CENPU: variants seen among roughly 807,000 people sequenced by gnomAD.
The protein encoded by CENPU is centromere protein U, also known as KSHV latent nuclear antigen interacting protein 1.
CENPU carries 46 observed loss-of-function variants against 56.7 expected under a neutral mutation model. The ratio of observed to expected loss-of-function variants is 0.81; its 90% CI spans 0.64 to 1.04. CENPU has a LOEUF of 1.04. Among genes scored for constraint, CENPU ranks in the 50% least tolerant of loss-of-function variants. The pLI is 0.00. For missense variants in CENPU, 510 were observed against 490.1 expected (o/e 1.04, Z -0.38); for synonymous variants, 166 against 163.0 (o/e 1.02, Z -0.14).
intron 7 of CENPU, among the ~76,000 whole-genome samples, chr4:184,710,671 G>C (rs1467009688): frequency 1.3e-5 from 2 of 152,006 alleles, no homozygotes; most frequent in African/African-American, 2.4e-5. Context: ...ACTAGTCTAA[G>C]ATCTCAGGCA....
rs1760069624 is a variant in CENPU at position 184,694,528 on chromosome 4, G to C, written c.*760C>G. On this transcript the variant is annotated 3_prime_UTR_variant, in exon 13 of 13. Coordinates refer to ENST00000281453, the MANE Select transcript of CENPU (RefSeq NM_024629.4). The stretch of plus-strand genomic sequence containing the variant: ...CTTCACCACTGAAATAAAGGAAGAA[G>C]AGTTTACAACAGATGAAGCAGATGA... 1 of 1,609,172 alleles carries C rather than the reference G, an allele frequency of 6.2e-7. No individual in the cohort carries two copies. Among genetic ancestry groups the C allele is most frequent in the Non-Finnish European group, 8.5e-7 (1 of 1,177,352 alleles).
chr4:184,709,531 T>C (rs987280326), intron 8 of CENPU, among the ~76,000 whole-genome samples: 38 of 151,672 alleles, frequency 2.5e-4, no homozygotes, highest in Non-Finnish European at 5.9e-5. Context: ...AAAACTATGA[T>C]GCATATTAGT....
At chr4:184,712,655 C>A (rs1018233390) in intron 7 of CENPU, among the ~76,000 whole-genome samples, 1 of 152,128 alleles carries the variant, frequency 6.6e-6, no homozygotes, top group Non-Finnish European at 1.5e-5. Context: ...TGGATTAATA[C>A]TTGCTTTACT....
intron 11 of CENPU, 95 bp from the exon 12 acceptor site, chr4:184,697,898 G>C (rs1760394407): frequency 3.0e-5 from 26 of 864,850 alleles, no homozygotes; most frequent in Middle Eastern, 6.9e-4. Flanking sequence ...AAGAACCGGG[G>C]CTGGCCAACT....
rs544493278 is a variant in CENPU at position 184,694,801 on chromosome 4, T to C, written c.*487A>G. The C allele has an allele frequency of 3.2e-6, 5 of 1,584,574 alleles. No individual in the cohort carries two copies. The East Asian group carries it at 1.1e-4, about 36-fold the overall frequency. On this transcript the variant is annotated 3_prime_UTR_variant, in exon 13 of 13. Transcript: ENST00000281453. ...GTAACTAATTCACTATGAACACTTT[T>C]GTCACCAGGCTATAATTTGCCTGAT...
intron 11 of CENPU, among the ~76,000 whole-genome samples, chr4:184,700,068 G>A (rs1760480934): frequency 6.6e-6 from 1 of 152,148 alleles, no homozygotes; most frequent in Admixed American, 6.5e-5. Context: ...CTATTTTTAA[G>A]CTCAGGAGCA....
In CENPU at chr4:184,694,788, C is replaced by G; in HGVS notation, c.*500G>C. 6.3e-7 allele frequency: 1 copy of G among 1,595,546 alleles called. No homozygotes were observed. Among genetic ancestry groups the G allele is most frequent in the South Asian group, 1.1e-5 (1 of 90,286 alleles). Reference sequence around the variant, plus strand: ...AAGTATTACAAGAGTAACTAATTCACTATGAACACTTTTGTCACCAGGCTA... The same window carrying G: ...AAGTATTACAAGAGTAACTAATTCAGTATGAACACTTTTGTCACCAGGCTA... On this transcript the variant is annotated 3_prime_UTR_variant, in exon 13 of 13. Coordinates refer to ENST00000281453, the MANE Select transcript of CENPU (RefSeq NM_024629.4).
chr4:184,706,356 G>GT (rs1285149617), intron 8 of CENPU, among the ~76,000 whole-genome samples: 2 of 152,064 alleles, frequency 1.3e-5, no homozygotes, highest in African/African-American at 4.8e-5. Context: ...GTTTTGTTTT[G>GT]TTTTTTAAAT....
chr4:184,710,829 T>A (rs1760897091), intron 7 of CENPU, among the ~76,000 whole-genome samples: 2 of 152,212 alleles, frequency 1.3e-5, no homozygotes, highest in Non-Finnish European at 2.9e-5. Context: ...TGTTATCAAT[T>A]TGCAAAGCAT....
At chr4:184,720,606 G>T (rs1246710856) in intron 4 of CENPU, among the ~76,000 whole-genome samples, 1 of 151,932 alleles carries the variant, frequency 6.6e-6, no homozygotes, top group Admixed American at 6.6e-5. Flanking sequence ...AACACCCAAA[G>T]GTCAAAGACA....
chr4:184,698,039 T>G (rs113183391), intron 11 of CENPU: 43 of 418,788 alleles, frequency 1.0e-4, no homozygotes, highest in African/African-American at 7.6e-4. Context: ...CAGAAGAATA[T>G]TCCTTATAAA....
At chr4:184,715,654 G>C (rs117756474) in intron 6 of CENPU, among the ~76,000 whole-genome samples, 3 of 152,240 alleles carry the variant, frequency 2.0e-5, no homozygotes, top group East Asian at 1.9e-4. Flanking sequence ...CTAAGGAAAT[G>C]ATCTAAGGAA....
intron 4 of CENPU, among the ~76,000 whole-genome samples, chr4:184,719,553 G>A (rs1159980245): frequency 2.0e-5 from 3 of 152,180 alleles, no homozygotes; most frequent in Non-Finnish European, 4.4e-5. Flanking sequence ...GGGGCCCTAG[G>A]TGAGCCTGAC....
chr4:184,697,893 C>T, intron 11 of CENPU, 90 bp from the exon 12 acceptor site: 1 of 912,340 alleles, frequency 1.1e-6, no homozygotes, highest in Non-Finnish European at 1.6e-6. Flanking sequence ...GTGTGAAGAA[C>T]CGGGGCTGGC....
At chr4:184,708,081 G>A (rs1760785805) in intron 8 of CENPU, among the ~76,000 whole-genome samples, 1 of 151,892 alleles carries the variant, frequency 6.6e-6, no homozygotes, top group Admixed American at 6.6e-5. Context: ...AAAATTAGCT[G>A]GGCGTGGTGG....
In CENPU at chr4:184,716,379, G is replaced by A. The variant is rs575633665; in HGVS notation, c.618+18C>T. The A allele has an allele frequency of 1.3e-6, 2 of 1,583,252 alleles. No homozygotes were observed. Among genetic ancestry groups the A allele is most frequent in the African/African-American group, 1.4e-5 (1 of 74,018 alleles). ...ATAAACTTTTTTTGCCCTCCTAGGG[G>A]ATGGCAGACGTTCTTACCGATTGAC... On this transcript the variant is annotated intron_variant, in intron 6 of 12. Coordinates refer to ENST00000281453, the MANE Select transcript of CENPU (RefSeq NM_024629.4).
At chr4:184,719,821 G>A (rs913953240) in intron 4 of CENPU, among the ~76,000 whole-genome samples, 1 of 152,104 alleles carries the variant, frequency 6.6e-6, no homozygotes, top group African/African-American at 2.4e-5. Flanking sequence ...AGTAGCATAG[G>A]GCACCAGTCA....
intron 4 of CENPU, among the ~76,000 whole-genome samples, chr4:184,722,286 A>G (rs894207705): frequency 2.0e-5 from 3 of 152,244 alleles, no homozygotes; most frequent in African/African-American, 4.8e-5. Context: ...CATCAAAAAA[A>G]GAAAAACTTT....
chr4:184,705,624 T>A (rs192842352), intron 8 of CENPU, among the ~76,000 whole-genome samples: 174 of 152,158 alleles, frequency 1.1e-3, no homozygotes, highest in Middle Eastern at 6.8e-3. Flanking sequence ...AACAAAAAAA[T>A]TCATGAATAA....
Sources: gnomAD v4.1 joint callset for allele counts (sites outside exome capture counted in the v4.1 genomes callset) on GRCh38, gnomAD v4.1.1 for gene constraint, MANE v1.5 for transcripts, NCBI Gene and HGNC (gene_info 2026-07-23, HGNC 2026-07-21) for gene names.